Variants in STIL observed in about 807,000 individuals in gnomAD.
STIL encodes the protein STIL centriolar assembly protein.
A neutral mutation model predicts 110.1 loss-of-function variants in STIL; 55 were observed. The ratio of observed to expected loss-of-function variants is 0.50; its 90% CI spans 0.40 to 0.63. The LOEUF (loss-of-function observed/expected upper bound fraction) is 0.63, where lower values mean the gene tolerates loss of function less well. STIL is among the 20% of genes least tolerant of loss of function. The pLI, the probability that STIL is intolerant of heterozygous loss-of-function variation, is 0.00. For synonymous variants in STIL, 481 were observed against 530.0 expected (o/e 0.91, Z 1.27); for missense variants, 1,358 against 1,530.0 (o/e 0.89, Z 1.87).
At chr1:47,260,628 T>C in intron 15 of STIL, 89 bp from the exon 16 acceptor site, 1 of 1,389,906 alleles carries the variant, frequency 7.2e-7, no homozygotes, top group Non-Finnish European at 1.0e-6. Context: ...ATCCCAGCAC[T>C]TTGGGAAGCC....
intron 7 of STIL, among the ~76,000 whole-genome samples, chr1:47,294,555 G>A (rs946898206): frequency 1.3e-5 from 2 of 152,164 alleles, no homozygotes; most frequent in African/African-American, 4.8e-5. Flanking sequence ...CGTGATGGCC[G>A]GTGCCTGTAG....
At chr1:47,305,384 C>G (rs1195136335) in intron 2 of STIL, 1 of 200,150 alleles carries the variant, frequency 5.0e-6, no homozygotes, top group Non-Finnish European at 1.0e-5. Context: ...CTCGGCCTCC[C>G]AAAGTGCTAG....
intron 13 of STIL, among the ~76,000 whole-genome samples, chr1:47,271,603 T>C (rs976192742): frequency 2.0e-5 from 3 of 150,206 alleles, no homozygotes; most frequent in African/African-American, 7.3e-5. Flanking sequence ...AAATGGTTTC[T>C]ACTCTGAGGA....
At chr1:47,269,246 T>A (rs573697130) in intron 14 of STIL, among the ~76,000 whole-genome samples, 50 of 152,262 alleles carry the variant, frequency 3.3e-4, no homozygotes, top group African/African-American at 1.2e-3. Context: ...CTGGAAATGG[T>A]TCTAGAAGGC....
chr1:47,291,468 A>G (rs1645488327), intron 8 of STIL, among the ~76,000 whole-genome samples: 1 of 152,086 alleles, frequency 6.6e-6, no homozygotes, highest in African/African-American at 2.4e-5. Context: ...ATTCAGACAC[A>G]CAACATCCTC....
rs1234848542 is a variant in STIL at position 47,292,625 on chromosome 1, G to GA, written c.872+832dup. ...ACAGAAAAAAGCAACATAAAGAAAA[G>GA]AAAGGATGCTATGGTTTAATTTTTA... is the stretch of plus-strand genomic sequence containing the variant. On this transcript the variant is annotated intron_variant, in intron 8 of 16. Transcript: ENST00000371877. Among the ~76,000 whole-genome samples the GA allele has an allele frequency of 4.6e-5, 7 of 152,246 alleles. No individual in the cohort carries two copies. The East Asian group carries it at 1.3e-3, about 29-fold the overall frequency.
chr1:47,308,446 T>G (rs913613365), intron 2 of STIL, among the ~76,000 whole-genome samples: 1 of 151,248 alleles, frequency 6.6e-6, no homozygotes, highest in Non-Finnish European at 1.5e-5. Context: ...AAGAATAAAT[T>G]CCTGTCATTT....
At chr1:47,270,701 A>G (rs1178852831) in intron 13 of STIL, among the ~76,000 whole-genome samples, 10 of 128,194 alleles carry the variant, frequency 7.8e-5, no homozygotes, top group Non-Finnish European at 1.1e-4. Context: ...TTTTTAAGAC[A>G]GGGTGTCACT....
chr1:47,301,571 G>A lies in STIL; in HGVS notation c.443C>T (p.Ser148Leu), dbSNP rs2149198646. Residue 148 changes from serine to leucine, a missense_variant, in exon 5 of 17, where the codon TCA (serine) becomes TTA (leucine). Physicochemically the swap from Ser to Leu is moderately radical, Grantham distance 145. Coordinates refer to ENST00000371877, the MANE Select transcript of STIL (RefSeq NM_001048166.1). ...MIVHSVDDFS[S>L]ALKALQCHIC... ...GTCAATGAATCGCACCTTTAAAGCT[G>A]AACTGAAGTCATCTACACTGTGAAC... 7 of 1,612,954 alleles carry A rather than the reference G, an allele frequency of 4.3e-6. No homozygotes were observed. The highest frequency in any genetic ancestry group is 5.1e-6 in the Non-Finnish European group (6 of 1,179,766).
At chr1:47,285,402 T>C (rs1038390597) in intron 10 of STIL, among the ~76,000 whole-genome samples, 2 of 152,186 alleles carry the variant, frequency 1.3e-5, no homozygotes, top group Admixed American at 6.5e-5. Flanking sequence ...CAAATATCTC[T>C]ACATACACAC....
intron 1 of STIL, among the ~76,000 whole-genome samples, chr1:47,310,886 G>C (rs1352359466): frequency 6.6e-6 from 1 of 152,062 alleles, no homozygotes; most frequent in East Asian, 1.9e-4. Flanking sequence ...GTCTTGTTCT[G>C]TTGCTAGGCT....
rs371320626 is a variant in STIL at position 47,286,344 on chromosome 1, G to A, written c.1133+1207C>T. Reference sequence around the variant, plus strand: ...ACTTCAATGGCTTTTTTTTTTAAATGGAGAAGATGCAGCTTGAGGAGAGGA... The same window carrying A: ...ACTTCAATGGCTTTTTTTTTTAAATAGAGAAGATGCAGCTTGAGGAGAGGA... On this transcript the variant is annotated intron_variant, in intron 10 of 16. Coordinates refer to ENST00000371877, the MANE Select transcript of STIL (RefSeq NM_001048166.1). 4.6e-5 allele frequency among the ~76,000 whole-genome samples: 7 copies of A among 151,484 alleles called. No individual in the cohort carries two copies. In the South Asian group the frequency reaches 1.0e-3, roughly 23 times the overall value.
At chr1:47,291,611 G>A (rs1393066577) in intron 8 of STIL, among the ~76,000 whole-genome samples, 1 of 151,848 alleles carries the variant, frequency 6.6e-6, no homozygotes, top group Non-Finnish European at 1.5e-5. Flanking sequence ...TGTTGCCCAG[G>A]CTGGAGTGTA....
rs55980086 is a variant in STIL, at chr1:47,268,758, C to CATAA, written c.2615+873_2615+876dup. Among the ~76,000 whole-genome samples the CATAA allele has an allele frequency of 6.8e-3, 672 of 98,270 alleles. 11 individuals carry two copies. Among genetic ancestry groups the CATAA allele is most frequent in the South Asian group, 0.04 (156 of 3,928 alleles). 64.5% of individuals were successfully genotyped at this position (98,270 alleles called of 152,430 possible). ...GAGCAACAAGAGAGAAACTCCATCTCATAAATAAATAAATAAATAAATAAA... is the reference window on the plus strand; with the variant it reads ...GAGCAACAAGAGAGAAACTCCATCTCATAAATAAATAAATAAATAAATAAATAAA... On this transcript the variant is annotated intron_variant, in intron 14 of 16. Transcript: ENST00000371877.
intron 1 of STIL, among the ~76,000 whole-genome samples, chr1:47,310,655 G>T (rs1200461747): frequency 1.3e-5 from 2 of 152,070 alleles, no homozygotes; most frequent in Non-Finnish European, 2.9e-5. Flanking sequence ...AGTGAGCTCG[G>T]TAAGGCAGGT....
At chr1:47,252,778 T>TACACACACACACACACAC in intron 16 of STIL, among the ~76,000 whole-genome samples, 1 of 140,192 alleles carries the variant, frequency 7.1e-6, no homozygotes, top group East Asian at 2.1e-4. Context: ...TATGGGCTTA[T>TACACACACACACACACAC]ACACACACAC....
In STIL at chr1:47,251,897, C is replaced by T. The variant is rs1328156042; in HGVS notation, c.3106G>A (p.Ala1036Thr). The change falls in exon 17 of 17, where the codon GCA (alanine) becomes ACA (threonine). Residue 1036 changes from alanine to threonine, a missense_variant. By Grantham distance (58) the Ala-to-Thr change is moderately conservative (BLOSUM62 0). Coordinates refer to ENST00000371877, the MANE Select transcript of STIL (RefSeq NM_001048166.1). Reference protein sequence around the residue: ...ASVLACISPEAVISGLNCMSF... With the variant: ...ASVLACISPETVISGLNCMSF... ...ATGCAGTTTAATCCAGAGATCACTG[C>T]TTCTGGGCTGATGCATGCCAACACA... The T allele has an allele frequency of 1.2e-5, 20 of 1,611,254 alleles. No homozygotes were observed. The highest frequency in any genetic ancestry group is 1.7e-5 in the Non-Finnish European group (20 of 1,179,154).
At chr1:47,291,238 G>A (rs1645479265) in intron 8 of STIL, among the ~76,000 whole-genome samples, 1 of 152,018 alleles carries the variant, frequency 6.6e-6, no homozygotes. Flanking sequence ...GCACATGCCT[G>A]TAATCCCAGC....
chr1:47,298,878 G>C (rs1244221889), intron 6 of STIL, among the ~76,000 whole-genome samples: 3 of 151,844 alleles, frequency 2.0e-5, no homozygotes, highest in Non-Finnish European at 4.4e-5. Context: ...TGAGTAGCTG[G>C]GATTACAGGC....
Sources: allele counts gnomAD v4.1 joint callset (sites outside exome capture counted in the v4.1 genomes callset), GRCh38; gene constraint gnomAD v4.1.1; transcripts MANE v1.5; gene names NCBI Gene and HGNC (gene_info 2026-07-23, HGNC 2026-07-21).